MPHOSPH10: variants seen among roughly 807,000 people sequenced by gnomAD.
MPHOSPH10 encodes U3 small nucleolar ribonucleoprotein MPP10.
A neutral mutation model predicts 77.3 loss-of-function variants in MPHOSPH10; 33 were observed. That is an observed-to-expected ratio of 0.43 (90% CI 0.32 to 0.57). The LOEUF (loss-of-function observed/expected upper bound fraction) is 0.57. Ranked by LOEUF, MPHOSPH10 falls within the 20% of genes least tolerant of loss-of-function variation. MPHOSPH10 has a pLI of 0.07. For missense variants in MPHOSPH10, 708 were observed against 780.1 expected (o/e 0.91, Z 1.10); for synonymous variants, 245 against 268.0 (o/e 0.91, Z 0.84).
chr2:71,136,987 A>T (rs1673509012), intron 4 of MPHOSPH10, among the ~76,000 whole-genome samples: 1 of 151,106 alleles, frequency 6.6e-6, no homozygotes, highest in Non-Finnish European at 1.5e-5. Flanking sequence ...ATGAACAGTG[A>T]TGCAAAAATC....
chr2:71,133,855 A>G (rs1357146696), intron 2 of MPHOSPH10, 93 bp from the exon 3 acceptor site: 5 of 943,510 alleles, frequency 5.3e-6, no homozygotes, highest in Non-Finnish European at 7.6e-6. Flanking sequence ...TCAGAAAGTA[A>G]TATATACATA....
At position 71,133,370 on chromosome 2, in the gene MPHOSPH10, A is replaced by T. The variant is rs374115761; in HGVS notation, c.562A>T (p.Asn188Tyr). ...SKLEQQSKVQ[N>Y]KGQGKPREKS... ...ATTGGAACAGCAGAGCAAGGTGCAAAACAAAGGACAGGGAAAACCAAGAGA... is the reference window on the plus strand; with the variant it reads ...ATTGGAACAGCAGAGCAAGGTGCAATACAAAGGACAGGGAAAACCAAGAGA... The change falls in exon 2 of 11, where the codon AAC becomes TAC. Residue 188 changes from asparagine (N) to tyrosine (Y), a missense_variant. Physicochemically the swap from Asn to Tyr is moderately radical, Grantham distance 143. This residue lies in a region of MPHOSPH10 where 433 missense variants were observed against 432.6 expected (regional missense o/e 1.00). Transcript: ENST00000244230. 5 of 1,614,044 alleles carry T rather than the reference A, an allele frequency of 3.1e-6. No homozygotes were observed. The African/African-American group carries it at 6.7e-5, about 22-fold the overall frequency.
At chr2:71,135,959 C>T (rs1239306494) in intron 4 of MPHOSPH10, among the ~76,000 whole-genome samples, 2 of 152,084 alleles carry the variant, frequency 1.3e-5, no homozygotes, top group African/African-American at 2.4e-5. Context: ...CCCACCTTGG[C>T]CTCCCAAAGT....
intron 7 of MPHOSPH10, 197 bp from the exon 8 acceptor site, chr2:71,144,231 C>T: frequency 4.0e-6 from 2 of 496,130 alleles, no homozygotes. Flanking sequence ...ACTGTAGCTC[C>T]TAAAATGCAC....
At chr2:71,142,985 T>C (rs1180415837) in intron 7 of MPHOSPH10, among the ~76,000 whole-genome samples, 3 of 152,326 alleles carry the variant, frequency 2.0e-5, no homozygotes, top group African/African-American at 7.2e-5. Context: ...TCTTTTTCTC[T>C]TCAGTAGAAT....
intron 4 of MPHOSPH10, among the ~76,000 whole-genome samples, chr2:71,137,985 C>T (rs1572898528): frequency 1.3e-5 from 2 of 151,948 alleles, no homozygotes; most frequent in East Asian, 3.9e-4. Flanking sequence ...TCCAGCTACT[C>T]GGGAGGCTGA....
At chr2:71,149,839 A>C in intron 10 of MPHOSPH10, 27 bp from the exon 11 acceptor site, 1 of 1,511,494 alleles carries the variant, frequency 6.6e-7, no homozygotes, top group Non-Finnish European at 8.8e-7. Context: ...ATTTTACAGC[A>C]TAAGCATGTG....
At chr2:71,140,561 G>C (rs1228876348) in intron 6 of MPHOSPH10, among the ~76,000 whole-genome samples, 1 of 152,178 alleles carries the variant, frequency 6.6e-6, no homozygotes. Context: ...GTTTCCACAT[G>C]AGTTTTGGAG....
chr2:71,133,685 G>A (rs1673432268), intron 2 of MPHOSPH10, 109 bp downstream of exon 2: 1 of 1,198,576 alleles, frequency 8.3e-7, no homozygotes, highest in African/African-American at 1.5e-5. Context: ...AAGAAATATT[G>A]TGCTCTATCT....
In MPHOSPH10 at chr2:71,133,530, A is replaced by T. The variant is rs748817480; in HGVS notation, c.722A>T (p.Asp241Val). ...GATATTGATTTTTTTGAAGATATTGATTCTGATGAAGATGAAGGGGGACTG... is the reference window on the plus strand; with the variant it reads ...GATATTGATTTTTTTGAAGATATTGTTTCTGATGAAGATGAAGGGGGACTG... ...EEDIDFFEDI[D>V]SDEDEGGLFG... Residue 241 changes from aspartate to valine, a missense_variant, in exon 2 of 11, where the codon GAT becomes GTT. Coordinates refer to ENST00000244230, the MANE Select transcript of MPHOSPH10 (RefSeq NM_005791.3). The T allele has an allele frequency of 3.1e-6, 5 of 1,610,398 alleles. No individual in the cohort carries two copies. The highest frequency in any genetic ancestry group is 4.2e-6 in the Non-Finnish European group (5 of 1,178,776).
rs1673655061 is a variant in MPHOSPH10, at chr2:71,143,697, T to C, written c.1447-731T>C. 2.6e-5 allele frequency among the ~76,000 whole-genome samples: 4 copies of C among 152,234 alleles called. No homozygotes were observed. The South Asian group carries it at 6.2e-4, about 24-fold the overall frequency. On this transcript the variant is annotated intron_variant, in intron 7 of 10. Transcript: ENST00000244230. ...ATTGGCCTATTTTGAGTATTTGATATAAATGGAACCATACCATATGTGGCC... is the reference window on the plus strand; with the variant it reads ...ATTGGCCTATTTTGAGTATTTGATACAAATGGAACCATACCATATGTGGCC...
intron 6 of MPHOSPH10, among the ~76,000 whole-genome samples, chr2:71,140,786 A>C (rs1673595719): frequency 6.6e-6 from 1 of 152,330 alleles, no homozygotes; most frequent in East Asian, 1.9e-4. Flanking sequence ...GGTCTAAAAT[A>C]GAAAGGGTTT....
intron 1 of MPHOSPH10, among the ~76,000 whole-genome samples, chr2:71,132,102 G>A (rs1019697322): frequency 6.6e-6 from 1 of 152,040 alleles, no homozygotes; most frequent in Non-Finnish European, 1.5e-5. Flanking sequence ...TAGCAATCCT[G>A]TCAGTTCTAC....
chr2:71,146,702 CA>C (rs1259883559), intron 8 of MPHOSPH10, among the ~76,000 whole-genome samples: 2 of 152,090 alleles, frequency 1.3e-5, no homozygotes, highest in African/African-American at 4.8e-5. Context: ...GAATGGAACA[CA>C]GTGTTTTTAA....
In MPHOSPH10 at chr2:71,149,903, C is replaced by T. The variant is rs1572902717; in HGVS notation, c.1934C>T (p.Ala645Val). The T allele has an allele frequency of 1.3e-6, 2 of 1,573,136 alleles. No individual in the cohort carries two copies. Among genetic ancestry groups the T allele is most frequent in the Non-Finnish European group, 8.6e-7 (1 of 1,168,014 alleles). Residue 645 changes from alanine (A) to valine (V), a missense_variant, in exon 11 of 11, where the codon GCA (alanine) becomes GTA (valine). Coordinates refer to ENST00000244230, the MANE Select transcript of MPHOSPH10 (RefSeq NM_005791.3). ...GKDKALKSSQ[A>V]FFSKLQDQVK... ...GACAAGGCCTTAAAGTCCTCTCAAG[C>T]ATTCTTTTCTAAATTACAAGATCAA...
At chr2:71,133,690 CTATCTTATCAGT>C (rs1673432314) in intron 2 of MPHOSPH10, 114 bp downstream of exon 2, 3 of 1,169,122 alleles carry the variant, frequency 2.6e-6, no homozygotes. Context: ...ATATTGTGCT[CTATCTTATCAGT>C]TATAAATGAA....
In MPHOSPH10 at chr2:71,134,026, C is replaced by G. The variant is rs143555311; in HGVS notation, c.847C>G (p.His283Asp). 3.6e-3 allele frequency: 5,827 copies of G among 1,608,534 alleles called. 13 individuals carry two copies. Among genetic ancestry groups the G allele is most frequent in the Non-Finnish European group, 4.6e-3 (5,444 of 1,177,064 alleles). The change falls in exon 3 of 11, where the codon CAT becomes GAT. Residue 283 changes from histidine to aspartate, a missense_variant. His to Asp is a moderately conservative substitution (Grantham distance 81, BLOSUM62 -1). This residue lies in a region of MPHOSPH10 where 433 missense variants were observed against 432.6 expected (regional missense o/e 1.00). Coordinates refer to ENST00000244230, the MANE Select transcript of MPHOSPH10 (RefSeq NM_005791.3). ...VESDEDITNVHDDELDSNKED... is the reference protein window; with the variant it reads ...VESDEDITNVDDDELDSNKED... Reference sequence around the variant, plus strand: ...AAGTGATGAAGACATAACAAATGTTCATGATGATGAGCTGGATTCAAACAA... The same window carrying G: ...AAGTGATGAAGACATAACAAATGTTGATGATGATGAGCTGGATTCAAACAA...
chr2:71,132,664 G>C (rs1673410807), intron 1 of MPHOSPH10, among the ~76,000 whole-genome samples: 1 of 152,152 alleles, frequency 6.6e-6, no homozygotes, highest in Non-Finnish European at 1.5e-5. Context: ...CAAGCAAATA[G>C]ATTTATAATG....
intron 8 of MPHOSPH10, among the ~76,000 whole-genome samples, chr2:71,147,702 A>G (rs1673742556): frequency 6.6e-6 from 1 of 151,782 alleles, no homozygotes; most frequent in African/African-American, 2.4e-5. Context: ...AAAGAAATAC[A>G]TGCTGTTGGA....
Sources: gnomAD v4.1 joint callset for allele counts (sites outside exome capture counted in the v4.1 genomes callset) on GRCh38, gnomAD v4.1.1 for gene constraint, gnomAD v4.1.1 regional missense constraint, MANE v1.5 for transcripts, NCBI Gene and HGNC (gene_info 2026-07-23, HGNC 2026-07-21) for gene names.